Variants in PPP3CA observed in about 807,000 individuals in gnomAD.
The protein encoded by PPP3CA is protein phosphatase 3 catalytic subunit alpha, also known as CAM-PRP catalytic subunit.
In PPP3CA, 14 loss-of-function variants were observed where a neutral mutation model predicts 66.5. The observed-to-expected ratio is 0.21, with a 90% CI of 0.14 to 0.33. The LOEUF (loss-of-function observed/expected upper bound fraction) is 0.33, where lower values mean the gene tolerates loss of function less well. Ranked by LOEUF, PPP3CA falls within the 10% of genes least tolerant of loss-of-function variation. The probability of loss-of-function intolerance (pLI) is 1.00; values close to 1 mark genes in which losing one functional copy is unlikely to be tolerated. For missense variants in PPP3CA, 317 were observed against 639.5 expected (o/e 0.50, Z 5.44); for synonymous variants, 232 against 226.2 (o/e 1.03, Z -0.23).
chr4:101,314,569 C>CAAAAAAAAAA (rs748980814), intron 1 of PPP3CA, among the ~76,000 whole-genome samples: 4 of 75,248 alleles, frequency 5.3e-5, no homozygotes, highest in African/African-American at 9.7e-5. Flanking sequence ...ATCTCAAAAC[C>CAAAAAAAAAA]AAAAAAAAAA....
chr4:101,038,150 T>C (rs1479707920), intron 11 of PPP3CA, among the ~76,000 whole-genome samples: 1 of 152,158 alleles, frequency 6.6e-6, no homozygotes, highest in Non-Finnish European at 1.5e-5. Context: ...ATGCCATTGA[T>C]AGTGCTCTTA....
rs575476174 is a variant in PPP3CA at position 101,293,126 on chromosome 4, T to C, written c.58+53613A>G. 2.0e-5 allele frequency among the ~76,000 whole-genome samples: 3 copies of C among 152,260 alleles called. No individual in the cohort carries two copies. In the South Asian group the frequency reaches 6.2e-4, roughly 32 times the overall value. On this transcript the variant is annotated intron_variant, in intron 1 of 13. Transcript: ENST00000394854. The stretch of plus-strand genomic sequence containing the variant: ...GCTGGCCTAGAATCATAACCCACAC[T>C]CACAATGTGGTCAATGGGCAAGTGC...
chr4:101,055,099 C>G (rs903309704), intron 10 of PPP3CA, among the ~76,000 whole-genome samples: 1 of 151,974 alleles, frequency 6.6e-6, no homozygotes, highest in African/African-American at 2.4e-5. Context: ...ATCTCAGTGC[C>G]TATGATTTTA....
chr4:101,031,784 G>A (rs1330377283), intron 12 of PPP3CA, among the ~76,000 whole-genome samples: 1 of 152,134 alleles, frequency 6.6e-6, no homozygotes, highest in Non-Finnish European at 1.5e-5. Context: ...TCAGAGAAAA[G>A]ACACAAATGG....
At position 101,083,276 on chromosome 4, in the gene PPP3CA, A is replaced by G; in HGVS notation, c.783-13T>C. On this transcript the variant is annotated splice_polypyrimidine_tract_variant and intron_variant, in intron 6 of 13. Coordinates refer to ENST00000394854, the MANE Select transcript of PPP3CA (RefSeq NM_000944.5). ...TACAGCCGGGTAACTGCCAGAGACA[A>G]AAAGAAAAGGGAAGCATCTGTTAGG... is the stretch of plus-strand genomic sequence containing the variant. The G allele has an allele frequency of 6.2e-7, 1 of 1,603,044 alleles. No individual in the cohort carries two copies. The highest frequency in any genetic ancestry group is 8.5e-7 in the Non-Finnish European group (1 of 1,171,848).
chr4:101,079,535 C>T (rs1365714551), intron 8 of PPP3CA, among the ~76,000 whole-genome samples: 4 of 152,160 alleles, frequency 2.6e-5, no homozygotes, highest in East Asian at 3.9e-4. Context: ...CTCGCCACCA[C>T]GGCCAGCTAA....
chr4:101,278,668 G>A (rs1193609814), intron 1 of PPP3CA, among the ~76,000 whole-genome samples: 1 of 152,166 alleles, frequency 6.6e-6, no homozygotes, highest in African/African-American at 2.4e-5. Flanking sequence ...ATATAGGTAG[G>A]GTTTGCGTGG....
intron 2 of PPP3CA, among the ~76,000 whole-genome samples, chr4:101,185,682 G>A (rs533861503): frequency 1.5e-4 from 23 of 152,276 alleles, no homozygotes; most frequent in African/African-American, 4.8e-4. Context: ...GAGAATATTA[G>A]GAGAAATTCC....
intron 1 of PPP3CA, among the ~76,000 whole-genome samples, chr4:101,302,227 A>G (rs1728401369): frequency 6.6e-6 from 1 of 152,180 alleles, no homozygotes; most frequent in South Asian, 2.1e-4. Context: ...AGCATCAAGC[A>G]TCAGCTCCCT....
intron 1 of PPP3CA, among the ~76,000 whole-genome samples, chr4:101,338,244 T>A (rs1252036657): frequency 6.6e-6 from 1 of 152,218 alleles, no homozygotes; most frequent in African/African-American, 2.4e-5. Context: ...TGCTTCTGCA[T>A]GCTGGCTACC....
chr4:101,235,749 T>A (rs1191570602), intron 1 of PPP3CA, among the ~76,000 whole-genome samples: 1 of 151,876 alleles, frequency 6.6e-6, no homozygotes, highest in African/African-American at 2.4e-5. Flanking sequence ...CTGAGTTACT[T>A]CATGTGTAGC....
chr4:101,117,634 G>A (rs1196626910), intron 2 of PPP3CA, among the ~76,000 whole-genome samples: 1 of 151,610 alleles, frequency 6.6e-6, no homozygotes, highest in African/African-American at 2.4e-5. Context: ...AGTCACGGTT[G>A]TGGTGCCAAT....
chr4:101,216,433 C>T (rs763002942), intron 1 of PPP3CA, among the ~76,000 whole-genome samples: 6 of 152,106 alleles, frequency 3.9e-5, no homozygotes, highest in South Asian at 4.1e-4. Flanking sequence ...CAGCAGATCA[C>T]GAGATTTTGG....
intron 10 of PPP3CA, among the ~76,000 whole-genome samples, chr4:101,043,557 TAA>T (rs397973945): frequency 2.2e-5 from 3 of 139,350 alleles, no homozygotes; most frequent in Non-Finnish European, 1.6e-5. Context: ...TTTTCTTAAT[TAA>T]AAAAAAAAAA....
intron 1 of PPP3CA, among the ~76,000 whole-genome samples, chr4:101,324,541 C>T (rs1356247925): frequency 6.6e-6 from 1 of 152,092 alleles, no homozygotes. Flanking sequence ...AACAGAAGAA[C>T]ATTTAAAAAA....
At chr4:101,124,733 A>AG (rs1722172540) in intron 2 of PPP3CA, among the ~76,000 whole-genome samples, 24 of 69,232 alleles carry the variant, frequency 3.5e-4, no homozygotes, top group Admixed American at 3.1e-3. Context: ...AAGAGAAAGA[A>AG]AGAAAGAAAG....
intron 1 of PPP3CA, among the ~76,000 whole-genome samples, chr4:101,275,883 GTTTGTTTGTTT>G (rs1260979045): frequency 6.2e-5 from 9 of 145,436 alleles, no homozygotes; most frequent in African/African-American, 1.6e-4. Context: ...TTTTTTGTTT[GTTTGTTTGTTT>G]TTTGTTTTTT....
intron 6 of PPP3CA, among the ~76,000 whole-genome samples, chr4:101,087,098 C>G (rs911621631): frequency 1.3e-5 from 2 of 152,204 alleles, no homozygotes; most frequent in Non-Finnish European, 2.9e-5. Context: ...TCCTCCTCTG[C>G]TTCTTGGGGC....
chr4:101,121,691 TA>T (rs1489781764), intron 2 of PPP3CA, among the ~76,000 whole-genome samples: 1 of 152,154 alleles, frequency 6.6e-6, no homozygotes, highest in African/African-American at 2.4e-5. Flanking sequence ...AAATAGTCAT[TA>T]TTTTTTTGAA....
Sources: gnomAD v4.1 joint callset for allele counts (sites outside exome capture counted in the v4.1 genomes callset) on GRCh38, gnomAD v4.1.1 for gene constraint, MANE v1.5 for transcripts, NCBI Gene and HGNC (gene_info 2026-07-23, HGNC 2026-07-21) for gene names.